The following B3GLCT variants were observed in gnomAD, a reference collection of about 807,000 sequenced individuals.
B3GLCT encodes beta-1,3-glucosyltransferase.
A neutral mutation model predicts 63.4 loss-of-function variants in B3GLCT; 65 were observed. That is an observed-to-expected ratio of 1.03 (90% confidence interval 0.84 to 1.26). The LOEUF (loss-of-function observed/expected upper bound fraction) is 1.26. Among genes scored for constraint, B3GLCT ranks in the 50% most tolerant of loss-of-function variants. The probability of loss-of-function intolerance (pLI) is 0.00; values close to 1 mark genes in which losing one functional copy is unlikely to be tolerated. For synonymous variants in B3GLCT, 233 were observed against 219.2 expected, an observed-to-expected ratio of 1.06 and a Z score of -0.55; for missense variants, 577 against 604.8, an observed-to-expected ratio of 0.95 and a Z score of 0.48.
Position 31,329,850 on chromosome 13 carries a change from C to CT in B3GLCT, c.*182_*183insT. 1 of 664,516 alleles carries CT rather than the reference C, an allele frequency of 1.5e-6. No homozygotes were observed. The highest frequency in any genetic ancestry group is 1.9e-5 in the South Asian group (1 of 53,822). 41.2% of individuals were successfully genotyped at this position (664,516 alleles called of 1,614,324 possible). On this transcript the variant is annotated 3_prime_UTR_variant, in exon 15 of 15. Coordinates refer to ENST00000343307, the MANE Select transcript of B3GLCT (RefSeq NM_194318.4). ...GGAAGAAAAGGGGTCACAGGAGAAA[C>CT]ATTTTTTTTTCTGGGAAAAATCACT...
At chr13:31,206,058 A>C (rs1868934124) in intron 1 of B3GLCT, among the ~76,000 whole-genome samples, 1 of 152,174 alleles carries the variant, frequency 6.6e-6, no homozygotes, top group Non-Finnish European at 1.5e-5. Context: ...ATCACGTTGA[A>C]TTTATCTTCT....
chr13:31,263,304 T>G (rs1872132784), intron 7 of B3GLCT, among the ~76,000 whole-genome samples: 2 of 152,242 alleles, frequency 1.3e-5, no homozygotes, highest in African/African-American at 4.8e-5. Flanking sequence ...AATTAGGTGT[T>G]AGAAGTAACT....
At chr13:31,282,936 G>C (rs1873145051) in intron 10 of B3GLCT, 1 of 152,156 alleles carries the variant, frequency 6.6e-6, no homozygotes, top group African/African-American at 2.4e-5. Context: ...ACTGTGCCAG[G>C]TGTTGGGAAA....
intron 4 of B3GLCT, among the ~76,000 whole-genome samples, chr13:31,229,622 C>T (rs1357239505): frequency 3.5e-4 from 53 of 151,632 alleles, no homozygotes; most frequent in Non-Finnish European, 7.4e-5. Flanking sequence ...GATGCATGCC[C>T]GTAATCCCAG....
At position 31,286,719 on chromosome 13, in the gene B3GLCT, G is replaced by C; in HGVS notation, c.965-1G>C. On this transcript the variant is annotated splice_acceptor_variant, in intron 11 of 14. Coordinates refer to ENST00000343307, the MANE Select transcript of B3GLCT (RefSeq NM_194318.4). LOFTEE classifies it high-confidence loss of function. Reference sequence around the variant, plus strand: ...GTAAGTTTTTTTCTTGCCTTTTCTAGGTCATTGTGGAAAGACATTTGCCAT... The same window carrying C: ...GTAAGTTTTTTTCTTGCCTTTTCTACGTCATTGTGGAAAGACATTTGCCAT... 6.2e-7 allele frequency: 1 copy of C among 1,600,098 alleles called. No individual in the cohort carries two copies. The highest frequency in any genetic ancestry group is 8.6e-7 in the Non-Finnish European group (1 of 1,167,742).
chr13:31,286,871 T>C (rs754342724), intron 12 of B3GLCT, 52 bp downstream of exon 12: 3 of 1,270,522 alleles, frequency 2.4e-6, no homozygotes, highest in Non-Finnish European at 3.4e-6. Context: ...TATATTCATA[T>C]TCAAAAAACT....
intron 6 of B3GLCT, among the ~76,000 whole-genome samples, chr13:31,258,039 A>G (rs1177118985): frequency 1.3e-5 from 2 of 152,136 alleles, no homozygotes; most frequent in African/African-American, 4.8e-5. Flanking sequence ...AAAGCAGAAT[A>G]AGGGAGTAAG....
chr13:31,316,407 T>TTATATATATATATATATATATATA (rs71099949), intron 12 of B3GLCT, among the ~76,000 whole-genome samples: 588 of 40,612 alleles, frequency 0.014, 67 homozygotes, highest in Non-Finnish European at 0.02. Context: ...TTTGGAGGTT[T>TTATATATATATATATATATATATA]TATATATATA....
At chr13:31,300,798 T>A (rs899758867) in intron 12 of B3GLCT, among the ~76,000 whole-genome samples, 10 of 152,226 alleles carry the variant, frequency 6.6e-5, no homozygotes, top group African/African-American at 2.2e-4. Context: ...TTGTGACCTC[T>A]GTCCACATGA....
At chr13:31,324,539 A>G (rs893689898) in intron 14 of B3GLCT, among the ~76,000 whole-genome samples, 3 of 152,190 alleles carry the variant, frequency 2.0e-5, no homozygotes, top group Non-Finnish European at 4.4e-5. Context: ...TTTAAGAACC[A>G]AGTCAGTGAA....
At chr13:31,242,911 C>T (rs552332101) in intron 4 of B3GLCT, among the ~76,000 whole-genome samples, 8 of 152,152 alleles carry the variant, frequency 5.3e-5, no homozygotes, top group African/African-American at 1.7e-4. Flanking sequence ...GTTATTATAA[C>T]ATCACATATA....
At chr13:31,229,726 A>G (rs563690697) in intron 4 of B3GLCT, among the ~76,000 whole-genome samples, 1 of 151,556 alleles carries the variant, frequency 6.6e-6, no homozygotes, top group East Asian at 1.9e-4. Context: ...AGCCTGGGTG[A>G]CAGAGTGGGA....
chr13:31,226,801 AAG>A (rs1870126012), intron 3 of B3GLCT, among the ~76,000 whole-genome samples: 1 of 152,174 alleles, frequency 6.6e-6, no homozygotes, highest in African/African-American at 2.4e-5. Flanking sequence ...TTGAACATAT[AAG>A]AAGTTATAAA....
intron 4 of B3GLCT, among the ~76,000 whole-genome samples, chr13:31,240,667 A>G (rs1466971475): frequency 6.6e-6 from 1 of 152,016 alleles, no homozygotes; most frequent in Non-Finnish European, 1.5e-5. Flanking sequence ...GAGAGTCATG[A>G]GTGTGATTTA....
In B3GLCT at chr13:31,246,814, A is replaced by G. The variant is rs112738167; in HGVS notation, c.271-209A>G. On this transcript the variant is annotated intron_variant, in intron 4 of 14. Coordinates refer to ENST00000343307, the MANE Select transcript of B3GLCT (RefSeq NM_194318.4). ...TGTAGAGGTTGCATGGATTCAGCCA[A>G]AATACTTCATTTCCAGTAGCTCCTG... 0.011 allele frequency among the ~76,000 whole-genome samples: 1,684 copies of G among 152,264 alleles called. 30 individuals carry two copies. Among genetic ancestry groups the G allele is most frequent in the African/African-American group, 0.038 (1,586 of 41,538 alleles).
At position 31,274,534 on chromosome 13, in the gene B3GLCT, G is replaced by A. The variant is rs1872696167; in HGVS notation, c.686G>A (p.Gly229Asp). ...ATTGCCCTCTACATCTGGGACAAAG[G>A]CGGAGGACCTCCCCTGACCCCAGTG... Reference protein sequence around the residue: ...HEIALYIWDKGGGPPLTPVPE... With the variant: ...HEIALYIWDKDGGPPLTPVPE... Residue 229 changes from glycine (G) to aspartate (D), a missense_variant, in exon 9 of 15, where the codon GGC (glycine) becomes GAC (aspartate). Gly to Asp is a moderately conservative substitution (Grantham distance 94). Transcript: ENST00000343307. 2 of 1,614,176 alleles carry A rather than the reference G, an allele frequency of 1.2e-6. No homozygotes were observed. Among genetic ancestry groups the A allele is most frequent in the Non-Finnish European group, 1.7e-6 (2 of 1,180,034 alleles).
chr13:31,202,804 A>G (rs1415495533), intron 1 of B3GLCT, among the ~76,000 whole-genome samples: 3 of 152,154 alleles, frequency 2.0e-5, no homozygotes, highest in Non-Finnish European at 4.4e-5. Flanking sequence ...CATGGTGGCC[A>G]TCTTGTGACC....
intron 12 of B3GLCT, among the ~76,000 whole-genome samples, chr13:31,316,158 C>G (rs1874996993): frequency 6.6e-6 from 1 of 151,998 alleles, no homozygotes; most frequent in African/African-American, 2.4e-5. Flanking sequence ...AGAGTCCCCA[C>G]TGGGACACTG....
chr13:31,256,911 T>TA (rs35174736), intron 6 of B3GLCT, among the ~76,000 whole-genome samples: 156 of 147,082 alleles, frequency 1.1e-3, no homozygotes, highest in African/African-American at 3.1e-3. Flanking sequence ...CCCCAGAACT[T>TA]AAAAAAAAAA....
Sources: allele counts gnomAD v4.1 joint callset (sites outside exome capture counted in the v4.1 genomes callset), GRCh38; gene constraint gnomAD v4.1.1; transcripts MANE v1.5; gene names NCBI Gene and HGNC (gene_info 2026-07-23, HGNC 2026-07-21).